The following TRIM10 variants were observed in gnomAD, a reference collection of about 807,000 sequenced individuals.
The protein encoded by TRIM10 is tripartite motif-containing protein 10.
A neutral mutation model predicts 40.0 loss-of-function variants in TRIM10; 42 were observed. The ratio of observed to expected loss-of-function variants is 1.05; its 90% CI spans 0.82 to 1.36. The LOEUF (loss-of-function observed/expected upper bound fraction) is 1.36, where lower values mean the gene tolerates loss of function less well. Ranked by LOEUF, TRIM10 falls within the 40% of genes most tolerant of loss-of-function variation. The probability of loss-of-function intolerance (pLI) is 0.00; values close to 1 mark genes in which losing one functional copy is unlikely to be tolerated. For synonymous variants in TRIM10, 260 were observed against 239.5 expected, an observed-to-expected ratio of 1.09 and a Z score of -0.79; for missense variants, 601 against 608.3, an observed-to-expected ratio of 0.99 and a Z score of 0.13.
intron 2 of TRIM10, among the ~76,000 whole-genome samples, 178 bp downstream of exon 2, chr6:30,158,972 C>G (rs1424135629): frequency 6.6e-6 from 1 of 152,188 alleles, no homozygotes; most frequent in Non-Finnish European, 1.5e-5. Context: ...TTTTTACTCT[C>G]CATTTTACAG....
In TRIM10 at chr6:30,160,577, T is replaced by C; in HGVS notation, c.282A>G (p.Gly94=). The C allele has an allele frequency of 6.2e-6, 10 of 1,614,142 alleles. No individual in the cohort carries two copies. The highest frequency in any genetic ancestry group is 8.5e-6 in the Non-Finnish European group (10 of 1,180,034). Reference sequence around the variant, plus strand: ...CGTGCTCTTGGCAGACATCCTCCTCTCCCAAACCCAGTGTGGACACCAGCT... The same window carrying C: ...CGTGCTCTTGGCAGACATCCTCCTCCCCCAAACCCAGTGTGGACACCAGCT... ...RLQLVSTLGL[G]EEDVCQEHGE... The change falls in exon 1 of 7, where the codon GGA becomes GGG. Residue 94 remains glycine, a synonymous_variant. Transcript: ENST00000449742.
chr6:30,157,449 CCTTT>C, intron 3 of TRIM10, 58 bp from the exon 4 acceptor site: 1 of 1,511,448 alleles, frequency 6.6e-7, no homozygotes, highest in Non-Finnish European at 9.0e-7. Context: ...ATTTTTCTTT[CCTTT>C]CTTTTTCTAC....
At chr6:30,163,811 C>A, upstream of TRIM10, 2 of 1,613,050 alleles carry the variant, frequency 1.2e-6, no homozygotes, top group East Asian at 2.2e-5. Context: ...CCTCCCCGCG[C>A]TCTCCCAGAT....
rs779179349 is a variant in TRIM10 at position 30,157,015 on chromosome 6, C to A, written c.819G>T (p.Ser273=). Residue 273 remains serine, a synonymous_variant, in exon 5 of 7, where the codon TCG becomes TCT. Transcript: ENST00000449742. ...CCCGAATCCTCTGGCCCAGCTCTGG[C>A]GACACAGCCACCGGTTTCCGGCACT... ...TRKCRKPVAV[S]PELGQRIRDF... 4.3e-6 allele frequency: 7 copies of A among 1,612,930 alleles called. No individual in the cohort carries two copies. The South Asian group carries it at 6.6e-5, about 15-fold the overall frequency.
Position 30,153,375 on chromosome 6 carries a change from T to C in TRIM10, c.*594A>G. 1 of 317,800 alleles carries C rather than the reference T, an allele frequency of 3.1e-6. No homozygotes were observed. 19.7% of individuals were successfully genotyped at this position (317,800 alleles called of 1,614,324 possible). On this transcript the variant is annotated 3_prime_UTR_variant, in exon 7 of 7. Transcript: ENST00000449742. ...CCCCTGAACTCCCATAATGCTGGGG[T>C]TGGACTTCCCGTAACACCCACCACA...
chr6:30,159,153 G>A lies in TRIM10; in HGVS notation c.522C>T (p.Leu174=), dbSNP rs755399022. The A allele has an allele frequency of 6.2e-7, 1 of 1,607,314 alleles. No homozygotes were observed. The highest frequency in any genetic ancestry group is 1.1e-5 in the South Asian group (1 of 90,922). The change falls in exon 2 of 7, where the codon CTC becomes CTT. Residue 174 remains leucine, a synonymous_variant. Coordinates refer to ENST00000449742, the MANE Select transcript of TRIM10 (RefSeq NM_006778.4). ...QSRENKRMQV[L]LTQVSTKRQQ... ...TGGGGAAGGGGTGATGACTTACCAG[G>A]AGGACTTGCATCCTTTTATTTTCTC...
chr6:30,155,744 T>G lies in TRIM10; in HGVS notation c.911A>C (p.Glu304Ala). 6.2e-7 allele frequency: 1 copy of G among 1,613,548 alleles called. No individual in the cohort carries two copies. Among genetic ancestry groups the G allele is most frequent in the Non-Finnish European group, 8.5e-7 (1 of 1,179,862 alleles). Residue 304 changes from glutamate to alanine, a missense_variant, in exon 6 of 7, where the codon GAG (glutamate) becomes GCG (alanine). Glu to Ala is a moderately radical substitution (Grantham distance 107). Coordinates refer to ENST00000449742, the MANE Select transcript of TRIM10 (RefSeq NM_006778.4). ...CTCCTTACCTGGCTCATAGTCCAAC[T>G]CAAAGCATAGTTTTTCTGTAAAGAA... Reference protein sequence around the residue: ...MKMFLEKLCFELDYEPAHISL... With the variant: ...MKMFLEKLCFALDYEPAHISL...
intron 3 of TRIM10, among the ~76,000 whole-genome samples, chr6:30,158,151 A>T (rs1013395363): frequency 6.6e-6 from 1 of 152,220 alleles, no homozygotes; most frequent in Non-Finnish European, 1.5e-5. Context: ...AAGCCCTGTG[A>T]AATATTTAAG....
intron 1 of TRIM10, 46 bp downstream of exon 1, chr6:30,160,384 A>T: frequency 6.4e-7 from 1 of 1,569,032 alleles, no homozygotes; most frequent in Non-Finnish European, 8.7e-7. Context: ...TGTTTCTCTT[A>T]GTCCAGTCCA....
chr6:30,163,698 C>T, upstream of TRIM10: 1 of 1,608,396 alleles, frequency 6.2e-7, no homozygotes, highest in Non-Finnish European at 8.5e-7. Flanking sequence ...CCCGCAACCC[C>T]GTCCCTGAAG....
At chr6:30,162,766 GTAA>G (rs1773223203), upstream of TRIM10, among the ~76,000 whole-genome samples, 1 of 152,018 alleles carries the variant, frequency 6.6e-6, no homozygotes, top group Non-Finnish European at 1.5e-5. Context: ...TAAAATGAAG[GTAA>G]TAATGTTTGC....
rs1029732890 is a variant in TRIM10 at position 30,154,453 on chromosome 6, G to A, written c.962C>T (p.Pro321Leu). Residue 321 changes from proline (P) to leucine (L), a missense_variant, in exon 7 of 7, where the codon CCC becomes CTC. By Grantham distance (98) the Pro-to-Leu change is moderately conservative (BLOSUM62 -3). Coordinates refer to ENST00000449742, the MANE Select transcript of TRIM10 (RefSeq NM_006778.4). The part of the protein sequence containing the change: ...HISLDPQTSH[P>L]KLLLSEDHQR... The stretch of plus-strand genomic sequence containing the variant: ...GTGGTCCTCGGACAAGAGGAGCTTG[G>A]GGTGGGAAGTCTGAGGGTCTAGAGA... 5 of 1,612,486 alleles carry A rather than the reference G, an allele frequency of 3.1e-6. No homozygotes were observed. The highest frequency in any genetic ancestry group is 1.1e-5 in the South Asian group (1 of 91,092).
chr6:30,153,903 A>G lies in TRIM10; in HGVS notation c.*66T>C. The stretch of plus-strand genomic sequence containing the variant: ...CATCCAGGTGATTCAGCCAGGGATC[A>G]AGTCCACATGGTACTTGGGTTGATA... On this transcript the variant is annotated 3_prime_UTR_variant, in exon 7 of 7. Transcript: ENST00000449742. 1.9e-6 allele frequency: 3 copies of G among 1,584,006 alleles called. No individual in the cohort carries two copies. The highest frequency in any genetic ancestry group is 2.6e-6 in the Non-Finnish European group (3 of 1,163,174).
Position 30,160,477 on chromosome 6 carries a change from C to G in TRIM10, c.382G>C (p.Ala128Pro). 1 of 1,614,130 alleles carries G rather than the reference C, an allele frequency of 6.2e-7. No individual in the cohort carries two copies. Among genetic ancestry groups the G allele is most frequent in the East Asian group, 2.2e-5 (1 of 44,878 alleles). Reference sequence around the variant, plus strand: ...TCCAGGAAGCGCATGGTGTGGGTAGCGTGCTCCCCAGCCTCCCGGCACACC... The same window carrying G: ...TCCAGGAAGCGCATGGTGTGGGTAGGGTGCTCCCCAGCCTCCCGGCACACC... ...CVVCREAGEHATHTMRFLEDA... is the reference protein window; with the variant it reads ...CVVCREAGEHPTHTMRFLEDA... The change falls in exon 1 of 7, where the codon GCT (alanine) becomes CCT (proline). Residue 128 changes from alanine to proline, a missense_variant. Ala to Pro is a conservative substitution (Grantham distance 27). Transcript: ENST00000449742.
chr6:30,153,756 G>A lies in TRIM10; in HGVS notation c.*213C>T, dbSNP rs752691257. Reference sequence around the variant, plus strand: ...AACTGGCAGCAGCCTGAGTCCCCAGGTACCCTGGCCATCCACTGGGCATTG... The same window carrying A: ...AACTGGCAGCAGCCTGAGTCCCCAGATACCCTGGCCATCCACTGGGCATTG... On this transcript the variant is annotated 3_prime_UTR_variant, in exon 7 of 7. Transcript: ENST00000449742. The A allele has an allele frequency of 5.0e-6, 8 of 1,612,940 alleles. No individual in the cohort carries two copies. The highest frequency in any genetic ancestry group is 1.3e-5 in the African/African-American group (1 of 74,918).
chr6:30,161,941 T>A (rs1348801411), upstream of TRIM10, among the ~76,000 whole-genome samples: 1 of 152,218 alleles, frequency 6.6e-6, no homozygotes, highest in East Asian at 1.9e-4. Context: ...AAGTCATTAA[T>A]AAGATATTTT....
chr6:30,156,675 C>T (rs1772559976), intron 5 of TRIM10: 1 of 562,370 alleles, frequency 1.8e-6, no homozygotes, highest in Non-Finnish European at 3.2e-6. Context: ...TTTCATATTG[C>T]TTAATGACCA....
intron 1 of TRIM10, 49 bp downstream of exon 1, chr6:30,160,381 C>G: frequency 6.4e-7 from 1 of 1,571,426 alleles, no homozygotes; most frequent in Non-Finnish European, 8.6e-7. Flanking sequence ...TGCTGTTTCT[C>G]TTAGTCCAGT....
At chr6:30,161,293 T>A (rs1044530295), upstream of TRIM10, among the ~76,000 whole-genome samples, 6 of 152,126 alleles carry the variant, frequency 3.9e-5, no homozygotes, top group African/African-American at 1.2e-4. Flanking sequence ...TGGCCAGCTG[T>A]CTCCAAAGAG....
Sources: gnomAD v4.1 joint callset for allele counts (sites outside exome capture counted in the v4.1 genomes callset) on GRCh38, gnomAD v4.1.1 for gene constraint, MANE v1.5 for transcripts, NCBI Gene and HGNC (gene_info 2026-07-23, HGNC 2026-07-21) for gene names.